The following CACNA1C variants were observed in gnomAD, a reference collection of about 807,000 sequenced individuals.
The protein encoded by CACNA1C is voltage-dependent L-type calcium channel subunit alpha-1C.
In CACNA1C, 30 loss-of-function variants were observed where a neutral mutation model predicts 229.0. The observed-to-expected ratio is 0.13, with a 90% confidence interval of 0.10 to 0.18. CACNA1C has a LOEUF of 0.18. Ranked by LOEUF, CACNA1C falls within the 10% of genes least tolerant of loss-of-function variation. The pLI, the probability that CACNA1C is intolerant of heterozygous loss-of-function variation, is 1.00. For missense variants in CACNA1C, 1,658 were observed against 2,845.0 expected (o/e 0.58, Z 9.49); for synonymous variants, 1,114 against 1,132.5 (o/e 0.98, Z 0.33).
At chr12:2,516,055 G>A (rs57749951) in intron 9 of CACNA1C, among the ~76,000 whole-genome samples, 2,582 of 152,046 alleles carry the variant, frequency 0.017, 88 homozygotes, top group African/African-American at 0.06. Flanking sequence ...AGAGAGGGGG[G>A]AAGCAGTGAA....
At chr12:2,366,902 G>A (rs1002396519) in intron 3 of CACNA1C, among the ~76,000 whole-genome samples, 3 of 152,180 alleles carry the variant, frequency 2.0e-5, no homozygotes, top group Admixed American at 6.5e-5. Flanking sequence ...GAGAGCGCAT[G>A]CACAAAGGGG....
intron 3 of CACNA1C, among the ~76,000 whole-genome samples, chr12:2,162,804 A>C (rs1329442943): frequency 6.6e-6 from 1 of 152,080 alleles, no homozygotes; most frequent in East Asian, 1.9e-4. Context: ...CTAAACAGAG[A>C]ACTTTGCTGA....
chr12:2,040,902 A>G (rs1412392916), intron 1 of CACNA1C, among the ~76,000 whole-genome samples: 3 of 152,224 alleles, frequency 2.0e-5, no homozygotes, highest in Non-Finnish European at 2.9e-5. Context: ...AAAGAACATT[A>G]AGAGACCTGG....
intron 3 of CACNA1C, among the ~76,000 whole-genome samples, chr12:2,411,813 A>C (rs765327509): frequency 3.9e-5 from 6 of 152,246 alleles, no homozygotes; most frequent in African/African-American, 7.2e-5. Context: ...GGAGGCAGAA[A>C]GCTGCACCAT....
chr12:1,980,981 A>G (rs911513739), intron 1 of CACNA1C, among the ~76,000 whole-genome samples: 5 of 152,158 alleles, frequency 3.3e-5, no homozygotes, highest in African/African-American at 1.2e-4. Flanking sequence ...ATAAAGTTCT[A>G]TAAAGAAAAT....
chr12:2,291,877 A>AAG (rs2093553029), intron 3 of CACNA1C, among the ~76,000 whole-genome samples: 1 of 152,250 alleles, frequency 6.6e-6, no homozygotes, highest in African/African-American at 2.4e-5. Context: ...CAGCTAGAAG[A>AAG]AGAGAGAGAT....
At chr12:2,556,039 C>T (rs755898294) in intron 10 of CACNA1C, among the ~76,000 whole-genome samples, 13 of 152,182 alleles carry the variant, frequency 8.5e-5, no homozygotes, top group Admixed American at 3.9e-4. Flanking sequence ...ACCACCTGCA[C>T]TATCCCCAGC....
intron 3 of CACNA1C, among the ~76,000 whole-genome samples, chr12:2,138,669 C>CT (rs2093808704): frequency 6.6e-6 from 1 of 151,012 alleles, no homozygotes; most frequent in South Asian, 2.1e-4. Context: ...CCAACATGGT[C>CT]TTTCAGCCAC....
chr12:2,266,568 C>T (rs1046546124), intron 3 of CACNA1C, among the ~76,000 whole-genome samples: 3 of 152,212 alleles, frequency 2.0e-5, no homozygotes, highest in African/African-American at 7.2e-5. Context: ...CATTGGGTTC[C>T]AAGAGAAGCA....
chr12:2,093,176 G>T (rs1404620342), intron 1 of CACNA1C, among the ~76,000 whole-genome samples: 1 of 152,246 alleles, frequency 6.6e-6, no homozygotes, highest in Non-Finnish European at 1.5e-5. Flanking sequence ...GCAGGGCAAA[G>T]TTACCAGAGA....
intron 3 of CACNA1C, among the ~76,000 whole-genome samples, chr12:2,419,131 T>C (rs2098947918): frequency 1.3e-5 from 2 of 152,232 alleles, no homozygotes; most frequent in African/African-American, 4.8e-5. Context: ...CATTGTTGCG[T>C]TGCTGTAGAG....
rs1181150017 is a variant in CACNA1C at position 2,608,782 on chromosome 12, C to G, written c.3558+70C>G. ...GAATGGCAGCCTGCGGCCCACCCCGCAGAGGGGCTGCGACAGGGAGAGGCC... is the reference window on the plus strand; with the variant it reads ...GAATGGCAGCCTGCGGCCCACCCCGGAGAGGGGCTGCGACAGGGAGAGGCC... On this transcript the variant is annotated intron_variant, in intron 27 of 46. Transcript: ENST00000399655. This position sits in a 1 kb window ranked among gnomAD's most constrained non-coding sequence, Gnocchi z 4.2. The G allele has an allele frequency of 6.7e-7, 1 of 1,502,658 alleles. No homozygotes were observed. Among genetic ancestry groups the G allele is most frequent in the African/African-American group, 1.4e-5 (1 of 72,606 alleles). The allele number at this position is 1,502,658 out of a possible 1,614,324, so 93.1% of individuals were successfully genotyped here.
At chr12:2,617,067 A>G (rs537813666) in intron 29 of CACNA1C, among the ~76,000 whole-genome samples, 2 of 152,348 alleles carry the variant, frequency 1.3e-5, no homozygotes, top group East Asian at 3.9e-4. Flanking sequence ...AGGAAAGAGG[A>G]AATGAAGGCA....
chr12:2,472,976 G>A (rs151004569), intron 5 of CACNA1C, among the ~76,000 whole-genome samples: 41 of 152,294 alleles, frequency 2.7e-4, no homozygotes, highest in African/African-American at 9.1e-4. Context: ...TTTTGGCTTT[G>A]CCAGGATGGA....
At chr12:2,542,430 C>T (rs1369485212) in intron 9 of CACNA1C, among the ~76,000 whole-genome samples, 2 of 152,216 alleles carry the variant, frequency 1.3e-5, no homozygotes, top group African/African-American at 4.8e-5. Flanking sequence ...GAAAGTGAGG[C>T]TTGTGTGCTC....
intron 3 of CACNA1C, among the ~76,000 whole-genome samples, chr12:2,253,648 A>G (rs1414586591): frequency 2.0e-5 from 3 of 152,186 alleles, no homozygotes; most frequent in African/African-American, 7.2e-5. Flanking sequence ...TCCTCGCAGG[A>G]GGGTGTTGAG....
intron 1 of CACNA1C, among the ~76,000 whole-genome samples, chr12:2,064,518 T>A (rs931755206): frequency 6.6e-6 from 1 of 152,348 alleles, no homozygotes; most frequent in South Asian, 2.1e-4. Flanking sequence ...GCCTTCAGCC[T>A]GAAAGCTGCC....
intron 3 of CACNA1C, among the ~76,000 whole-genome samples, chr12:2,408,370 T>TA (rs905384757): frequency 3.3e-5 from 5 of 152,232 alleles, no homozygotes; most frequent in African/African-American, 1.2e-4. Flanking sequence ...ATGCTACACT[T>TA]AAAAATGGCT....
chr12:2,216,993 C>T (rs561341652), intron 3 of CACNA1C, among the ~76,000 whole-genome samples: 1 of 152,292 alleles, frequency 6.6e-6, no homozygotes, highest in African/African-American at 2.4e-5. Flanking sequence ...GGCCAAAAAG[C>T]AGATGCAATC....
Sources: gnomAD v4.1 joint callset for allele counts (sites outside exome capture counted in the v4.1 genomes callset) on GRCh38, gnomAD v4.1.1 for gene constraint, Gnocchi (gnomAD v3.1) non-coding constraint, MANE v1.5 for transcripts, NCBI Gene and HGNC (gene_info 2026-07-23, HGNC 2026-07-21) for gene names.